Variants in SRRM3 observed in about 807,000 individuals in gnomAD.
The protein encoded by SRRM3 is serine/arginine repetitive matrix protein 3.
A neutral mutation model predicts 66.2 loss-of-function variants in SRRM3; 27 were observed. The ratio of observed to expected loss-of-function variants is 0.41; its 90% CI spans 0.30 to 0.56. The LOEUF is 0.56. SRRM3 is among the 20% of genes least tolerant of loss of function. SRRM3 has a pLI of 0.32. For missense variants in SRRM3, 918 were observed against 991.9 expected, an observed-to-expected ratio of 0.93 and a Z score of 1.00; for synonymous variants, 391 against 414.9, an observed-to-expected ratio of 0.94 and a Z score of 0.70.
At chr7:76,256,795 C>T (rs1161782329) in intron 3 of SRRM3, among the ~76,000 whole-genome samples, 5 of 151,166 alleles carry the variant, frequency 3.3e-5, no homozygotes, top group East Asian at 2.0e-4. Flanking sequence ...CTGCAACCTC[C>T]GCCTCCTGGG....
intron 2 of SRRM3, among the ~76,000 whole-genome samples, chr7:76,241,862 A>T (rs1801305582): frequency 6.6e-6 from 1 of 152,240 alleles, no homozygotes; most frequent in Non-Finnish European, 1.5e-5. Context: ...AGTGATGTAA[A>T]TACATCACGT....
intron 2 of SRRM3, among the ~76,000 whole-genome samples, chr7:76,241,565 G>T (rs559810029): frequency 6.6e-6 from 1 of 152,116 alleles, no homozygotes; most frequent in South Asian, 2.1e-4. Context: ...GTGCAATGGC[G>T]CAATCTCAGC....
Position 76,228,830 on chromosome 7 carries a change from C to T in SRRM3, c.-39-6198C>T, listed in dbSNP as rs575509586. Among the ~76,000 whole-genome samples the T allele has an allele frequency of 2.6e-4, 40 of 152,168 alleles. No individual in the cohort carries two copies. In the South Asian group the frequency reaches 3.1e-3, roughly 12 times the overall value. ...ATTTCTAGACCACTGCCCACCTCCC[C>T]CTAATTTGTGGTCCATACTTGGGCT... is the stretch of plus-strand genomic sequence containing the variant. On this transcript the variant is annotated intron_variant, in intron 1 of 14. Coordinates refer to ENST00000611745, the MANE Select transcript of SRRM3 (RefSeq NM_001110199.3).
At chr7:76,212,839 T>G (rs1387784323) in intron 1 of SRRM3, among the ~76,000 whole-genome samples, 2 of 151,954 alleles carry the variant, frequency 1.3e-5, no homozygotes, top group Non-Finnish European at 2.9e-5. Flanking sequence ...CCTCATCACT[T>G]TGCACATGTG....
At chr7:76,237,576 A>C (rs1292796460) in intron 2 of SRRM3, among the ~76,000 whole-genome samples, 1 of 152,136 alleles carries the variant, frequency 6.6e-6, no homozygotes, top group Non-Finnish European at 1.5e-5. Context: ...CTCCATCTCA[A>C]AACAAAACAA....
At chr7:76,253,677 G>A (rs1420797785) in intron 3 of SRRM3, among the ~76,000 whole-genome samples, 11 of 149,820 alleles carry the variant, frequency 7.3e-5, no homozygotes, top group African/African-American at 2.2e-4. Flanking sequence ...TTAACTGGGC[G>A]TGTTGGCACA....
intron 11 of SRRM3, among the ~76,000 whole-genome samples, chr7:76,275,985 TG>T (rs1227125923): frequency 6.6e-6 from 1 of 151,756 alleles, no homozygotes; most frequent in East Asian, 1.9e-4. Flanking sequence ...GAGGCTGAGG[TG>T]GGGGGATCAC....
intron 1 of SRRM3, among the ~76,000 whole-genome samples, chr7:76,208,700 T>A (rs577087317): frequency 5.9e-5 from 9 of 151,558 alleles, no homozygotes; most frequent in Admixed American, 5.3e-4. Flanking sequence ...CCAGGCCTGG[T>A]GGAGGGTGAC....
chr7:76,216,029 G>A (rs552488589), intron 1 of SRRM3, among the ~76,000 whole-genome samples: 3 of 150,524 alleles, frequency 2.0e-5, no homozygotes, highest in Non-Finnish European at 4.4e-5. Context: ...GGATGGTCTC[G>A]ATCTCCTGAC....
chr7:76,221,662 C>A (rs1417986000), intron 1 of SRRM3, among the ~76,000 whole-genome samples: 13 of 152,168 alleles, frequency 8.5e-5, no homozygotes, highest in African/African-American at 3.1e-4. Flanking sequence ...GCGCCCCGCA[C>A]CTGCCCTCTT....
rs1802701651 is a variant in SRRM3, at chr7:76,287,136, T to G, written c.*1293T>G. 6.5e-6 allele frequency: 1 copy of G among 152,712 alleles called. No homozygotes were observed. The highest frequency in any genetic ancestry group is 2.1e-4 in the South Asian group (1 of 4,836). The allele number at this position is 152,712 out of a possible 1,614,324, so 9.5% of individuals were successfully genotyped here. On this transcript the variant is annotated 3_prime_UTR_variant, in exon 15 of 15. Transcript: ENST00000611745. ...GGGCCCTCAGGGATCTCATGAAGTC[T>G]TCCTTGGCCCAACCAGGCAGATGCC...
intron 1 of SRRM3, among the ~76,000 whole-genome samples, chr7:76,208,773 T>G (rs1216301284): frequency 6.7e-6 from 1 of 149,552 alleles, no homozygotes; most frequent in Non-Finnish European, 1.5e-5. Context: ...AGGTGGAAAT[T>G]GCAGTGAGCT....
chr7:76,241,102 G>A (rs1033748636), intron 2 of SRRM3, among the ~76,000 whole-genome samples: 3 of 152,080 alleles, frequency 2.0e-5, no homozygotes, highest in African/African-American at 7.2e-5. Flanking sequence ...TCACCATGTT[G>A]GCCAGGCTGG....
At chr7:76,257,018 C>G (rs1184277019) in intron 3 of SRRM3, among the ~76,000 whole-genome samples, 1 of 152,108 alleles carries the variant, frequency 6.6e-6, no homozygotes, top group Admixed American at 6.5e-5. Context: ...CCTTGGCTGG[C>G]TTCTTTACTG....
At chr7:76,245,373 T>C (rs1554606069) in intron 2 of SRRM3, among the ~76,000 whole-genome samples, 1 of 152,212 alleles carries the variant, frequency 6.6e-6, no homozygotes, top group African/African-American at 2.4e-5. Flanking sequence ...GCTGCCACCA[T>C]GTCTTCTTTT....
rs782431025 is a variant in SRRM3, at chr7:76,283,015, C to T, written c.1647C>T (p.Arg549=). 16 of 1,472,016 alleles carry T rather than the reference C, an allele frequency of 1.1e-5. No homozygotes were observed. Among genetic ancestry groups the T allele is most frequent in the Middle Eastern group, 2.4e-4 (1 of 4,150 alleles). 91.2% of individuals were successfully genotyped at this position (1,472,016 alleles called of 1,614,324 possible). ...RARHSEAEAT[R]ARRRSRSYSP... is the part of the protein sequence containing the mutation. Reference sequence around the variant, plus strand: ...GGCACTCTGAGGCCGAGGCCACCCGCGCCCGGCGCCGCTCCCGCAGCTACT... The same window carrying T: ...GGCACTCTGAGGCCGAGGCCACCCGTGCCCGGCGCCGCTCCCGCAGCTACT... The change falls in exon 14 of 15, where the codon CGC becomes CGT. Residue 549 remains arginine (R), a synonymous_variant. Coordinates refer to ENST00000611745, the MANE Select transcript of SRRM3 (RefSeq NM_001110199.3).
At chr7:76,235,648 TTG>T (rs1801125931) in intron 2 of SRRM3, among the ~76,000 whole-genome samples, 1 of 151,780 alleles carries the variant, frequency 6.6e-6, no homozygotes, top group Non-Finnish European at 1.5e-5. Context: ...AGCGGATTAT[TTG>T]AGGTCAGGAA....
At chr7:76,229,242 G>A (rs1214952979) in intron 1 of SRRM3, among the ~76,000 whole-genome samples, 1 of 152,006 alleles carries the variant, frequency 6.6e-6, no homozygotes, top group Non-Finnish European at 1.5e-5. Flanking sequence ...AGGTAGAACT[G>A]ACATATGAAA....
intron 10 of SRRM3, among the ~76,000 whole-genome samples, chr7:76,266,810 T>G (rs1802070526): frequency 6.7e-6 from 1 of 150,368 alleles, no homozygotes. Context: ...GTAGCTGAGA[T>G]TACAGGCGTG....
Sources: gnomAD v4.1 joint callset for allele counts (sites outside exome capture counted in the v4.1 genomes callset) on GRCh38, gnomAD v4.1.1 for gene constraint, MANE v1.5 for transcripts, NCBI Gene and HGNC (gene_info 2026-07-23, HGNC 2026-07-21) for gene names.